The following GPHN variants were observed in gnomAD, a reference collection of about 807,000 sequenced individuals.
GPHN encodes gephyrin.
A neutral mutation model predicts 95.5 loss-of-function variants in GPHN; 17 were observed. That is an observed-to-expected ratio of 0.18 (90% CI 0.12 to 0.27). The LOEUF (loss-of-function observed/expected upper bound fraction) is 0.27. Among genes scored for constraint, GPHN ranks in the 10% least tolerant of loss-of-function variants. The probability of loss-of-function intolerance (pLI) is 1.00; values close to 1 mark genes in which losing one functional copy is unlikely to be tolerated. For synonymous variants in GPHN, 320 were observed against 322.5 expected, an observed-to-expected ratio of 0.99 and a Z score of 0.08; for missense variants, 660 against 978.1, an observed-to-expected ratio of 0.67 and a Z score of 4.34.
At chr14:67,187,603 C>T in the GPHN span, among the ~76,000 whole-genome samples, 16 of 152,306 alleles carry the variant, frequency 1.1e-4, no homozygotes, top group Non-Finnish European at 2.2e-4. Context: ...GCTACTGGAG[C>T]AGATGAAGTC....
chr14:66,675,147 T>A (rs2153387904), intron 1 of GPHN, among the ~76,000 whole-genome samples: 1 of 70,504 alleles, frequency 1.4e-5, no homozygotes, highest in East Asian at 7.6e-4. Flanking sequence ...CTTTTTCCAG[T>A]TTTTTTTTTT....
intron 2 of GPHN, among the ~76,000 whole-genome samples, chr14:66,749,500 C>G (rs1182471216): frequency 2.6e-5 from 4 of 151,872 alleles, no homozygotes; most frequent in Admixed American, 6.6e-5. Flanking sequence ...TTCTTGCCAG[C>G]CTTTGGTATT....
the GPHN span, among the ~76,000 whole-genome samples, chr14:67,662,143 G>A: frequency 4.8e-4 from 73 of 150,602 alleles, no homozygotes; most frequent in African/African-American, 1.8e-3. Flanking sequence ...GCAACAGAGC[G>A]AGACTCTGTC....
chr14:67,102,635 G>A (rs1567334532), intron 13 of GPHN, among the ~76,000 whole-genome samples: 1 of 151,776 alleles, frequency 6.6e-6, no homozygotes, highest in East Asian at 1.9e-4. Context: ...ACTCCAGCCT[G>A]GGCAACAAGA....
At chr14:66,771,308 A>G (rs1269264991) in intron 2 of GPHN, among the ~76,000 whole-genome samples, 5 of 152,212 alleles carry the variant, frequency 3.3e-5, no homozygotes, top group African/African-American at 7.2e-5. Context: ...TATGTAATCA[A>G]TCGAATACTC....
At chr14:67,725,097 A>G in the GPHN span, 1 of 1,614,194 alleles carries the variant, frequency 6.2e-7, no homozygotes, top group Non-Finnish European at 8.5e-7. Context: ...TCTTGGACCC[A>G]GGAGCCCGAG....
the GPHN span, chr14:67,224,731 A>C: frequency 3.6e-6 from 1 of 278,196 alleles, no homozygotes; most frequent in South Asian, 3.2e-5. Context: ...AAAGAAGAGA[A>C]AGAAAAATCA....
At chr14:67,337,910 A>G in the GPHN span, 2 of 152,228 alleles carry the variant, frequency 1.3e-5, no homozygotes, top group South Asian at 2.1e-4. Context: ...CCCAAAATGC[A>G]ACAGTTGTCT....
chr14:67,324,666 G>T, the GPHN span, among the ~76,000 whole-genome samples: 1 of 151,860 alleles, frequency 6.6e-6, no homozygotes, highest in Non-Finnish European at 1.5e-5. Context: ...CTCACTGCAG[G>T]CGCAGACTCT....
the GPHN span, among the ~76,000 whole-genome samples, chr14:67,403,931 A>ACAC: frequency 5.3e-5 from 8 of 152,276 alleles, no homozygotes; most frequent in East Asian, 1.4e-3. Context: ...ACACTCCTGT[A>ACAC]GTCTCAGCCA....
At chr14:67,698,327 A>G in the GPHN span, among the ~76,000 whole-genome samples, 2 of 152,248 alleles carry the variant, frequency 1.3e-5, no homozygotes, top group Non-Finnish European at 2.9e-5. Flanking sequence ...TTAGCTAGGC[A>G]TGGTGGTACA....
chr14:66,985,532 C>A, intron 9 of GPHN: 1 of 572,652 alleles, frequency 1.7e-6, no homozygotes, highest in Non-Finnish European at 3.1e-6. Context: ...TGTCATACAG[C>A]CTCTGGGTTA....
rs536389309 is a variant in GPHN at position 66,961,094 on chromosome 14, A to G, written c.829-4097A>G. ...TAAGCCATAAGATATTTCAACACAA[A>G]AAAACCACAATTCTTTCAGAATAAG... On this transcript the variant is annotated intron_variant, in intron 8 of 22. Coordinates refer to ENST00000478722, the MANE Select transcript of GPHN (RefSeq NM_020806.5). Among the ~76,000 whole-genome samples, 9 of 152,216 alleles carry G rather than the reference A, an allele frequency of 5.9e-5. No homozygotes were observed. In the East Asian group the frequency reaches 1.5e-3, roughly 26 times the overall value.
At chr14:67,623,909 C>T in the GPHN span, among the ~76,000 whole-genome samples, 1 of 152,108 alleles carries the variant, frequency 6.6e-6, no homozygotes, top group Non-Finnish European at 1.5e-5. Flanking sequence ...GGCATAGTCA[C>T]AGCCTACTGC....
At chr14:67,592,278 T>TAAA in the GPHN span, 3 of 343,508 alleles carry the variant, frequency 8.7e-6, no homozygotes, top group Admixed American at 3.5e-5. Context: ...CTACTAAAAA[T>TAAA]AAAAAAAAAA....
chr14:66,869,129 T>C (rs1268275547), intron 4 of GPHN, among the ~76,000 whole-genome samples: 1 of 152,148 alleles, frequency 6.6e-6, no homozygotes, highest in Non-Finnish European at 1.5e-5. Flanking sequence ...TAATAATGTA[T>C]AAGAGGGAAA....
intron 4 of GPHN, among the ~76,000 whole-genome samples, chr14:66,856,993 A>G (rs1486813768): frequency 6.6e-6 from 1 of 152,172 alleles, no homozygotes; most frequent in East Asian, 1.9e-4. Context: ...AAAAACCAAC[A>G]AATACAATAA....
At chr14:66,575,402 T>C (rs184649376) in intron 1 of GPHN, among the ~76,000 whole-genome samples, 1 of 152,376 alleles carries the variant, frequency 6.6e-6, no homozygotes, top group Admixed American at 6.5e-5. Flanking sequence ...TTAATTTTAA[T>C]GTATCCCAAT....
chr14:67,576,629 G>C, the GPHN span: 1 of 554,440 alleles, frequency 1.8e-6, no homozygotes, highest in Non-Finnish European at 3.2e-6. The surrounding 1 kb of genome is among the most constrained non-coding windows in gnomAD (Gnocchi z 4.0). Flanking sequence ...CCACAGAGGG[G>C]AAGTTCCCAT....
Sources: gnomAD v4.1 joint callset for allele counts (sites outside exome capture counted in the v4.1 genomes callset) on GRCh38, gnomAD v4.1.1 for gene constraint, Gnocchi (gnomAD v3.1) non-coding constraint, MANE v1.5 for transcripts, NCBI Gene and HGNC (gene_info 2026-07-23, HGNC 2026-07-21) for gene names.